The following PPARD variants were observed in gnomAD, a reference collection of about 807,000 sequenced individuals.
PPARD encodes peroxisome proliferator activated receptor delta.
Under a neutral mutation model 39.5 loss-of-function variants are expected in PPARD, and 6 were observed. The observed-to-expected ratio is 0.15, with a 90% CI of 0.08 to 0.30. PPARD has a LOEUF of 0.30. Among genes scored for constraint, PPARD ranks in the 10% least tolerant of loss-of-function variants. PPARD has a pLI of 1.00. For missense variants in PPARD, 397 were observed against 596.8 expected, an observed-to-expected ratio of 0.67 and a Z score of 3.49; for synonymous variants, 210 against 231.3, an observed-to-expected ratio of 0.91 and a Z score of 0.83.
chr6:35,349,744 C>A (rs1253376629), intron 2 of PPARD, among the ~76,000 whole-genome samples: 2 of 149,342 alleles, frequency 1.3e-5, no homozygotes, highest in African/African-American at 4.9e-5. Context: ...TTTTTCTTTT[C>A]TTTTTTGTTT....
At chr6:35,351,641 A>G (rs1292688299) in intron 2 of PPARD, among the ~76,000 whole-genome samples, 1 of 151,702 alleles carries the variant, frequency 6.6e-6, no homozygotes, top group Non-Finnish European at 1.5e-5. Context: ...GCAGCCTCCA[A>G]CTTCTGGGCT....
Position 35,427,041 on chromosome 6 carries a change from G to A in PPARD, c.*962G>A, listed in dbSNP as rs1766621862. 1 of 152,352 alleles carries A rather than the reference G, an allele frequency of 6.6e-6. No individual in the cohort carries two copies. Among genetic ancestry groups the A allele is most frequent in the Non-Finnish European group, 1.5e-5 (1 of 68,170 alleles). The allele number at this position is 152,352 out of a possible 1,614,324, so 9.4% of individuals were successfully genotyped here. A position where few individuals can be genotyped will look rare whatever the true frequency, so the allele number is the denominator to read the frequency against. ...ACCCAATTCTGCCCCTAGGACTCGG[G>A]GTCTGAGTCCTGGGGTCAGGCCAGG... is the stretch of plus-strand genomic sequence containing the variant. On this transcript the variant is annotated 3_prime_UTR_variant, in exon 8 of 8. Coordinates refer to ENST00000360694, the MANE Select transcript of PPARD (RefSeq NM_006238.5).
chr6:35,409,564 GTGT>G (rs68032986), intron 2 of PPARD, among the ~76,000 whole-genome samples: 98,672 of 151,446 alleles, frequency 0.65, 34,647 homozygotes, highest in South Asian at 0.79. Context: ...TTTTGTGGTG[GTGT>G]TTTATTTTAG....
chr6:35,355,787 A>T (rs1039346840), intron 2 of PPARD, among the ~76,000 whole-genome samples: 1 of 150,516 alleles, frequency 6.6e-6, no homozygotes, highest in Admixed American at 6.6e-5. Flanking sequence ...AATTTTTTGT[A>T]TTTTTGGTAG....
intron 2 of PPARD, among the ~76,000 whole-genome samples, chr6:35,384,117 C>T (rs1172847024): frequency 8.1e-5 from 12 of 147,356 alleles, no homozygotes; most frequent in Admixed American, 2.7e-4. Flanking sequence ...CGGCCAGCCG[C>T]CCCGTCCGGG....
At chr6:35,397,508 G>C (rs1422794018) in intron 2 of PPARD, 12 of 983,942 alleles carry the variant, frequency 1.2e-5, no homozygotes, top group Non-Finnish European at 1.4e-5. Context: ...GGTCTGGAAT[G>C]GTCTGGAGTG....
At chr6:35,390,563 C>A (rs1383944472) in intron 2 of PPARD, among the ~76,000 whole-genome samples, 1 of 151,938 alleles carries the variant, frequency 6.6e-6, no homozygotes, top group Non-Finnish European at 1.5e-5. Flanking sequence ...TGCCCAAAAT[C>A]ATAACTTTTT....
At chr6:35,416,751 G>A (rs932200102) in intron 3 of PPARD, among the ~76,000 whole-genome samples, 14 of 152,188 alleles carry the variant, frequency 9.2e-5, no homozygotes, top group Non-Finnish European at 1.0e-4. Context: ...TCAGCAGAGA[G>A]GGAAGCAGTC....
Position 35,424,802 on chromosome 6 carries a change from G to A in PPARD, c.1078+23G>A, listed in dbSNP as rs1383775420. The stretch of plus-strand genomic sequence containing the variant: ...GAGGTGAGTGAGAGTGGGGCAGGTG[G>A]GCTGGCCTGGCACACCCAGTCGTCC... On this transcript the variant is annotated intron_variant, in intron 7 of 7. Transcript: ENST00000360694. This position sits in a 1 kb window ranked among gnomAD's most constrained non-coding sequence, Gnocchi z 7.1. The A allele has an allele frequency of 6.2e-7, 1 of 1,606,852 alleles. No individual in the cohort carries two copies. Among genetic ancestry groups the A allele is most frequent in the Non-Finnish European group, 8.5e-7 (1 of 1,175,454 alleles).
intron 2 of PPARD, among the ~76,000 whole-genome samples, chr6:35,404,560 G>T (rs1369823100): frequency 2.0e-5 from 3 of 152,220 alleles, no homozygotes; most frequent in African/African-American, 7.2e-5. Flanking sequence ...CGTACAGCCT[G>T]CCAGTGGGCA....
Position 35,419,082 on chromosome 6 carries a change from A to G in PPARD, c.131-1045A>G, listed in dbSNP as rs558761538. ...GCCTGGAAAACATTAGCCTGGGTTT[A>G]TCTCTGTGGCTTCGGTCCCCCAACA... On this transcript the variant is annotated intron_variant, in intron 3 of 7. Transcript: ENST00000360694. 9.8e-5 allele frequency among the ~76,000 whole-genome samples: 15 copies of G among 152,308 alleles called. No homozygotes were observed. In the South Asian group the frequency reaches 2.9e-3, roughly 29 times the overall value.
chr6:35,363,830 A>G lies in PPARD; in HGVS notation c.-102+16680A>G, dbSNP rs951216164. ...TTTATATTCTACATATTTTTATAGC[A>G]TAAAATTAAGATATAGTTCACATAA... On this transcript the variant is annotated intron_variant, in intron 2 of 7. Coordinates refer to ENST00000360694, the MANE Select transcript of PPARD (RefSeq NM_006238.5). The surrounding 1 kb of genome is among the most constrained non-coding windows in gnomAD (Gnocchi z 4.5). Among the ~76,000 whole-genome samples, 1 of 152,116 alleles carries G rather than the reference A, an allele frequency of 6.6e-6. No homozygotes were observed. Among genetic ancestry groups the G allele is most frequent in the Admixed American group, 6.6e-5 (1 of 15,264 alleles).
In PPARD at chr6:35,411,162, A is replaced by T. The variant is rs745947605; in HGVS notation, c.75A>T (p.Gly25=). ...EEKEEVAEAE[G]APELNGGPQH... The stretch of plus-strand genomic sequence containing the variant: ...AAGAGGAAGTGGCAGAGGCAGAAGG[A>T]GCCCCAGAGCTCAATGGGGGACCAC... The change falls in exon 3 of 8, where the codon GGA becomes GGT. Residue 25 remains glycine, a synonymous_variant. Transcript: ENST00000360694. 1.9e-6 allele frequency: 3 copies of T among 1,575,656 alleles called. No homozygotes were observed. Among genetic ancestry groups the T allele is most frequent in the South Asian group, 2.3e-5 (2 of 86,574 alleles).
Position 35,397,498 on chromosome 6 carries a change from G to T in PPARD, c.-101-13489G>T, listed in dbSNP as rs199838355. The T allele has an allele frequency of 2.3e-4, 227 of 981,350 alleles. 1 individual carries two copies. In the African/African-American group the frequency reaches 3.7e-3, roughly 16 times the overall value. The allele number at this position is 981,350 out of a possible 1,614,324, so 60.8% of individuals were successfully genotyped here. A position where few individuals can be genotyped will look rare whatever the true frequency, so the allele number is the denominator to read the frequency against. On this transcript the variant is annotated intron_variant, in intron 2 of 7. Coordinates refer to ENST00000360694, the MANE Select transcript of PPARD (RefSeq NM_006238.5). ...ATCTTGATAAGCTCCTCCTTTGAAG[G>T]GTCTGGAATGGTCTGGAGTGGTCTG... is the stretch of plus-strand genomic sequence containing the variant.
In PPARD at chr6:35,424,418, G is replaced by A; in HGVS notation, c.717G>A (p.Lys239=). 3 of 1,614,168 alleles carry A rather than the reference G, an allele frequency of 1.9e-6. No individual in the cohort carries two copies. The highest frequency in any genetic ancestry group is 2.5e-6 in the Non-Finnish European group (3 of 1,180,022). ...KQLVNGLPPY[K]EISVHVFYRC... is the part of the protein sequence containing the mutation. ...TGGTGAATGGCCTGCCTCCCTACAA[G>A]GAGATCAGCGTGCACGTCTTCTACC... The change falls in exon 7 of 8, where the codon AAG becomes AAA. Residue 239 remains lysine, a synonymous_variant. Coordinates refer to ENST00000360694, the MANE Select transcript of PPARD (RefSeq NM_006238.5). This position sits in a 1 kb window ranked among gnomAD's most constrained non-coding sequence, Gnocchi z 7.1.
At chr6:35,378,479 G>A (rs1367413996) in intron 2 of PPARD, among the ~76,000 whole-genome samples, 1 of 152,174 alleles carries the variant, frequency 6.6e-6, no homozygotes, top group Non-Finnish European at 1.5e-5. Context: ...AAACAAGCCA[G>A]TGGCCAGAAA....
At chr6:35,399,169 G>A (rs1028520725) in intron 2 of PPARD, among the ~76,000 whole-genome samples, 40 of 151,974 alleles carry the variant, frequency 2.6e-4, no homozygotes, top group South Asian at 1.5e-3. Context: ...TTGGGAGGCC[G>A]AGGTAGGCGG....
intron 2 of PPARD, among the ~76,000 whole-genome samples, chr6:35,377,825 T>C (rs1034513552): frequency 1.3e-5 from 2 of 150,902 alleles, no homozygotes; most frequent in African/African-American, 4.9e-5. Context: ...TTGGGGTCTC[T>C]GTCTGTAGTA....
rs1236965633 is a variant in PPARD at position 35,424,825 on chromosome 6, T to C, written c.1078+46T>C. 6.3e-7 allele frequency: 1 copy of C among 1,591,806 alleles called. No individual in the cohort carries two copies. The highest frequency in any genetic ancestry group is 8.6e-7 in the Non-Finnish European group (1 of 1,169,156). On this transcript the variant is annotated intron_variant, in intron 7 of 7. Coordinates refer to ENST00000360694, the MANE Select transcript of PPARD (RefSeq NM_006238.5). The surrounding 1 kb of genome is among the most constrained non-coding windows in gnomAD (Gnocchi z 7.1). ...TGGGCTGGCCTGGCACACCCAGTCG[T>C]CCTGGGGGTTGGCCCTCACTGCAGG... is the stretch of plus-strand genomic sequence containing the variant.
Sources: gnomAD v4.1 joint callset for allele counts (sites outside exome capture counted in the v4.1 genomes callset) on GRCh38, gnomAD v4.1.1 for gene constraint, Gnocchi (gnomAD v3.1) non-coding constraint, MANE v1.5 for transcripts, NCBI Gene and HGNC (gene_info 2026-07-23, HGNC 2026-07-21) for gene names.